The following TSPAN15 variants were observed in gnomAD, a reference collection of about 807,000 sequenced individuals.
TSPAN15 encodes tetraspanin 15.
A neutral mutation model predicts 34.5 loss-of-function variants in TSPAN15; 20 were observed. That is an observed-to-expected ratio of 0.58 (90% CI 0.41 to 0.84). The LOEUF (loss-of-function observed/expected upper bound fraction) is 0.84, where lower values mean the gene tolerates loss of function less well. TSPAN15 is among the 40% of genes least tolerant of loss of function. TSPAN15 has a pLI of 0.00. For synonymous variants in TSPAN15, 155 were observed against 153.9 expected, an observed-to-expected ratio of 1.01 and a Z score of -0.05; for missense variants, 313 against 386.1, an observed-to-expected ratio of 0.81 and a Z score of 1.59.
At chr10:69,494,865 G>A in intron 3 of TSPAN15, 4 of 985,398 alleles carry the variant, frequency 4.1e-6, no homozygotes, top group African/African-American at 1.7e-5. Context: ...CCTTCCCACT[G>A]TGGGGCCCTT....
intron 1 of TSPAN15, among the ~76,000 whole-genome samples, chr10:69,459,125 A>AC (rs1491092132): frequency 3.2e-4 from 20 of 63,188 alleles, no homozygotes; most frequent in Non-Finnish European, 4.7e-4. Context: ...AAAAAAAAAA[A>AC]CAACAACAAA....
At chr10:69,477,678 G>T (rs10998821) in intron 1 of TSPAN15, among the ~76,000 whole-genome samples, 2,583 of 152,340 alleles carry the variant, frequency 0.017, 78 homozygotes, top group African/African-American at 0.06. Flanking sequence ...CAGCACTGCT[G>T]CTCCGCTATT....
At chr10:69,547,375 C>A in the TSPAN15 span, among the ~76,000 whole-genome samples, 1 of 152,142 alleles carries the variant, frequency 6.6e-6, no homozygotes, top group Non-Finnish European at 1.5e-5. Flanking sequence ...ATCTATGAAC[C>A]AGGCCCTGTG....
intron 1 of TSPAN15, among the ~76,000 whole-genome samples, chr10:69,455,617 T>TCG (rs1564595640): frequency 9.9e-6 from 1 of 100,510 alleles, no homozygotes; most frequent in Non-Finnish European, 2.2e-5. Context: ...TCTCTCTCTC[T>TCG]CTCTCTCTCC....
chr10:69,465,683 G>C (rs1371291069), intron 1 of TSPAN15, among the ~76,000 whole-genome samples: 1 of 152,176 alleles, frequency 6.6e-6, no homozygotes, highest in Non-Finnish European at 1.5e-5. Flanking sequence ...GAGAGCTAGA[G>C]GTGGGGTGTG....
At chr10:69,477,073 C>T (rs1037822575) in intron 1 of TSPAN15, among the ~76,000 whole-genome samples, 11 of 152,012 alleles carry the variant, frequency 7.2e-5, no homozygotes, top group African/African-American at 2.2e-4. Flanking sequence ...TGTTTTCTCC[C>T]GAGTAAGTTG....
chr10:69,453,844 C>T (rs1194586185), intron 1 of TSPAN15, among the ~76,000 whole-genome samples: 5 of 152,228 alleles, frequency 3.3e-5, no homozygotes, highest in Admixed American at 1.3e-4. Flanking sequence ...CCTCCTCTGC[C>T]AACTGAGGTT....
the TSPAN15 span, among the ~76,000 whole-genome samples, chr10:69,545,186 C>A: frequency 3.8e-4 from 58 of 152,266 alleles, no homozygotes; most frequent in Middle Eastern, 6.8e-3. Context: ...TCCCCCTTTA[C>A]CCCCGGGAGA....
intron 1 of TSPAN15, among the ~76,000 whole-genome samples, chr10:69,455,617 TCTCTCTCTCCCCCCCCCGTC>T (rs1841083176): frequency 9.9e-6 from 1 of 100,508 alleles, no homozygotes; most frequent in African/African-American, 4.1e-5. Context: ...TCTCTCTCTC[TCTCTCTCTCCCCCCCCCGTC>T]TCTTTCTTTC....
At chr10:69,456,745 G>C (rs1052254933) in intron 1 of TSPAN15, among the ~76,000 whole-genome samples, 2 of 152,170 alleles carry the variant, frequency 1.3e-5, no homozygotes, top group Non-Finnish European at 2.9e-5. Context: ...ACTGAGACCC[G>C]CTCCTTGATG....
intron 3 of TSPAN15, among the ~76,000 whole-genome samples, chr10:69,485,930 GGTGAT>G (rs890001172): frequency 3.9e-5 from 6 of 152,204 alleles, no homozygotes; most frequent in African/African-American, 1.4e-4. Flanking sequence ...AGGTTGACAG[GGTGAT>G]GCCTGGCATC....
chr10:69,468,204 AG>A (rs1197646606), intron 1 of TSPAN15, among the ~76,000 whole-genome samples: 1 of 149,152 alleles, frequency 6.7e-6, no homozygotes, highest in Non-Finnish European at 1.5e-5. Flanking sequence ...CTTAATCACC[AG>A]GTGCACACAC....
rs1842353028 is a variant in TSPAN15 at position 69,507,286 on chromosome 10, C to A, written c.*308C>A. 12 of 1,304,886 alleles carry A rather than the reference C, an allele frequency of 9.2e-6. No individual in the cohort carries two copies. Among genetic ancestry groups the A allele is most frequent in the Non-Finnish European group, 1.1e-5 (11 of 1,020,158 alleles). 80.8% of individuals were successfully genotyped at this position (1,304,886 alleles called of 1,614,324 possible). A position where few individuals can be genotyped will look rare whatever the true frequency, so the allele number is the denominator to read the frequency against. On this transcript the variant is annotated 3_prime_UTR_variant, in exon 8 of 8. Coordinates refer to ENST00000373290, the MANE Select transcript of TSPAN15 (RefSeq NM_012339.5). ...GGAGAGCCTGAGGCTCTGCTCAGGG[C>A]CCATTTCATCTCTGGCAGTGCCTTG...
chr10:69,546,895 GCACTT>G, the TSPAN15 span, among the ~76,000 whole-genome samples: 1 of 152,108 alleles, frequency 6.6e-6, no homozygotes, highest in Non-Finnish European at 1.5e-5. Flanking sequence ...TGTAATCCCA[GCACTT>G]TGGGAGGCTG....
At chr10:69,476,046 G>C (rs1201791402) in intron 1 of TSPAN15, among the ~76,000 whole-genome samples, 1 of 151,996 alleles carries the variant, frequency 6.6e-6, no homozygotes, top group African/African-American at 2.4e-5. Flanking sequence ...TCCCCAAACG[G>C]ATCTATAGAT....
intron 5 of TSPAN15, among the ~76,000 whole-genome samples, chr10:69,503,977 A>G (rs1010214229): frequency 6.6e-6 from 1 of 152,190 alleles, no homozygotes; most frequent in African/African-American, 2.4e-5. Flanking sequence ...GAACGGAAGC[A>G]TGGCCAGGGG....
chr10:69,539,070 C>T, the TSPAN15 span, among the ~76,000 whole-genome samples: 26,744 of 151,942 alleles, frequency 0.18, 2,752 homozygotes, highest in East Asian at 0.29. Context: ...GTGACATTAG[C>T]AAGGACAGTC....
chr10:69,543,821 G>T, the TSPAN15 span, among the ~76,000 whole-genome samples: 1 of 150,296 alleles, frequency 6.7e-6, no homozygotes, highest in Non-Finnish European at 1.5e-5. Flanking sequence ...AGGAGAAGAG[G>T]GGGAGAGGGA....
chr10:69,461,918 C>G (rs190766097), intron 1 of TSPAN15, among the ~76,000 whole-genome samples: 3 of 148,528 alleles, frequency 2.0e-5, no homozygotes, highest in Non-Finnish European at 4.5e-5. Flanking sequence ...ACCACCCCCC[C>G]GCCACCACCC....
Sources: allele counts gnomAD v4.1 joint callset (sites outside exome capture counted in the v4.1 genomes callset), GRCh38; gene constraint gnomAD v4.1.1; transcripts MANE v1.5; gene names NCBI Gene and HGNC (gene_info 2026-07-23, HGNC 2026-07-21).